BCAM: variants seen among roughly 807,000 people sequenced by gnomAD.
BCAM encodes the protein basal cell adhesion molecule.
BCAM carries 61 observed loss-of-function variants against 72.4 expected under a neutral mutation model. The observed-to-expected ratio is 0.84, with a 90% CI of 0.69 to 1.04. The LOEUF (loss-of-function observed/expected upper bound fraction) is 1.04, where lower values mean the gene tolerates loss of function less well. Among genes scored for constraint, BCAM ranks in the 50% least tolerant of loss-of-function variants. BCAM has a pLI of 0.00. For synonymous variants in BCAM, 408 were observed against 384.2 expected, an observed-to-expected ratio of 1.06 and a Z score of -0.73; for missense variants, 909 against 895.0, an observed-to-expected ratio of 1.02 and a Z score of -0.20.
At position 44,813,569 on chromosome 19, in the gene BCAM, G is replaced by A. The variant is rs762681823; in HGVS notation, c.733G>A (p.Glu245Lys). Residue 245 changes from glutamate to lysine, a missense_variant, in exon 6 of 15, where the codon GAG becomes AAG. Glu to Lys is a moderately conservative substitution (Grantham distance 56). Transcript: ENST00000270233. This position sits in a 1 kb window ranked among gnomAD's most constrained non-coding sequence, Gnocchi z 4.2. ...FHCAAHYSLP[E>K]GRHGRLDSPT... The stretch of plus-strand genomic sequence containing the variant: ...CTGCGCCGCCCACTACAGCCTGCCC[G>A]AGGGCCGCCACGGCCGCCTGGACAG... The A allele has an allele frequency of 1.2e-5, 19 of 1,612,438 alleles. No homozygotes were observed. The highest frequency in any genetic ancestry group is 1.4e-5 in the Non-Finnish European group (17 of 1,179,920).
chr19:44,819,671 T>C lies in BCAM; in HGVS notation c.1708T>C (p.Cys570Arg), dbSNP rs769446614. 1 of 1,613,244 alleles carries C rather than the reference T, an allele frequency of 6.2e-7. No individual in the cohort carries two copies. Among genetic ancestry groups the C allele is most frequent in the East Asian group, 2.2e-5 (1 of 44,868 alleles). The change falls in exon 13 of 15, where the codon TGC becomes CGC. Residue 570 changes from cysteine (C) to arginine (R), a missense_variant. Physicochemically the swap from Cys to Arg is radical, Grantham distance 180 (BLOSUM62 -3). Transcript: ENST00000270233. ...GCTCCTCGTCGTTGCTGTCTTCTAC[T>C]GCGTGAGACGCAAAGGGGGCCCCTG... ...LLLLVVAVFY[C>R]VRRKGGPCCR...
In BCAM at chr19:44,820,996, C is replaced by T; in HGVS notation, c.*75C>T. On this transcript the variant is annotated 3_prime_UTR_variant, in exon 15 of 15. Coordinates refer to ENST00000270233, the MANE Select transcript of BCAM (RefSeq NM_005581.5). Reference sequence around the variant, plus strand: ...GAGAACCAGCCCTGCTCACGCCATGCCCGCCCCCGCCTTCCCTCTTCCCTC... The same window carrying T: ...GAGAACCAGCCCTGCTCACGCCATGTCCGCCCCCGCCTTCCCTCTTCCCTC... The T allele has an allele frequency of 4.1e-6, 6 of 1,447,144 alleles. No homozygotes were observed. Among genetic ancestry groups the T allele is most frequent in the South Asian group, 2.9e-5 (2 of 69,062 alleles). 89.6% of individuals were successfully genotyped at this position (1,447,144 alleles called of 1,614,324 possible). A position where few individuals can be genotyped will look rare whatever the true frequency, so the allele number is the denominator to read the frequency against.
In BCAM at chr19:44,821,220, G is replaced by A; in HGVS notation, c.*299G>A. 1 of 375,340 alleles carries A rather than the reference G, an allele frequency of 2.7e-6. No individual in the cohort carries two copies. The allele number at this position is 375,340 out of a possible 1,614,324, so 23.3% of individuals were successfully genotyped here. Reference sequence around the variant, plus strand: ...GGCCCAGCCTGGGACAAGGCTCCGAGGGTCGGCTGGCCGGAGCTATTTTTA... The same window carrying A: ...GGCCCAGCCTGGGACAAGGCTCCGAAGGTCGGCTGGCCGGAGCTATTTTTA... On this transcript the variant is annotated 3_prime_UTR_variant, in exon 15 of 15. Coordinates refer to ENST00000270233, the MANE Select transcript of BCAM (RefSeq NM_005581.5).
At chr19:44,809,290 GA>G in intron 1 of BCAM, 84 bp downstream of exon 1, 1 of 1,205,988 alleles carries the variant, frequency 8.3e-7, no homozygotes. Flanking sequence ...GCTTTACCCT[GA>G]CCCCAGGAAG....
At chr19:44,816,458 C>A (rs1007161807) in intron 8 of BCAM, among the ~76,000 whole-genome samples, 1 of 152,216 alleles carries the variant, frequency 6.6e-6, no homozygotes, top group Non-Finnish European at 1.5e-5. Flanking sequence ...GGTGTGCTGG[C>A]CTTAGGCAAG....
In BCAM at chr19:44,819,050, C is replaced by T. The variant is rs1212661337; in HGVS notation, c.1337-6C>T. Reference sequence around the variant, plus strand: ...TTCACTTTCTTCCCATCCCCACCACCCACAGGCTCGCCAGAGCTAAAGACA... The same window carrying T: ...TTCACTTTCTTCCCATCCCCACCACTCACAGGCTCGCCAGAGCTAAAGACA... On this transcript the variant is annotated splice_region_variant and splice_polypyrimidine_tract_variant and intron_variant, in intron 10 of 14. Transcript: ENST00000270233. 18 of 1,613,656 alleles carry T rather than the reference C, an allele frequency of 1.1e-5. No individual in the cohort carries two copies. The highest frequency in any genetic ancestry group is 1.5e-5 in the Non-Finnish European group (18 of 1,179,826).
chr19:44,809,663 T>C (rs1479528425), intron 1 of BCAM, among the ~76,000 whole-genome samples: 2 of 152,080 alleles, frequency 1.3e-5, no homozygotes, highest in Non-Finnish European at 2.9e-5. Flanking sequence ...GCGAGGACCA[T>C]GTGTCCCCAC....
At chr19:44,817,809 G>T (rs1489255936) in intron 8 of BCAM, among the ~76,000 whole-genome samples, 2 of 152,190 alleles carry the variant, frequency 1.3e-5, no homozygotes, top group South Asian at 4.1e-4. Context: ...CTCCCAAAGT[G>T]CTGGGGTTAT....
chr19:44,811,808 C>G, intron 2 of BCAM: 1 of 372,130 alleles, frequency 2.7e-6, no homozygotes, highest in South Asian at 3.1e-5. Context: ...TCGCTTGAAC[C>G]TGGGAGGTAG....
Position 44,821,271 on chromosome 19 carries a change from C to T in BCAM, c.*350C>T, listed in dbSNP as rs532352100. The T allele has an allele frequency of 1.7e-5, 5 of 286,764 alleles. No individual in the cohort carries two copies. The highest frequency in any genetic ancestry group is 8.7e-5 in the African/African-American group (4 of 45,762). The allele number at this position is 286,764 out of a possible 1,614,324, so 17.8% of individuals were successfully genotyped here. A position where few individuals can be genotyped will look rare whatever the true frequency, so the allele number is the denominator to read the frequency against. On this transcript the variant is annotated 3_prime_UTR_variant, in exon 15 of 15. Transcript: ENST00000270233. ...CCTCCCGCCTCCCCTGCTGGTCCCC[C>T]CACCTGACGTCTTGCTGCAGAGTCT...
chr19:44,819,115 G>A lies in BCAM; in HGVS notation c.1396G>A (p.Gly466Arg). 6.2e-7 allele frequency: 1 copy of A among 1,614,110 alleles called. No individual in the cohort carries two copies. The highest frequency in any genetic ancestry group is 8.5e-7 in the Non-Finnish European group (1 of 1,179,998). Residue 466 changes from glycine to arginine, a missense_variant, in exon 11 of 15, where the codon GGA becomes AGA. Transcript: ENST00000270233. ...CAAGGCAGATGGCAGCTGGAGGGAA[G>A]GAGACGAAGTCACACTCATCTGCTC... is the stretch of plus-strand genomic sequence containing the variant. Reference protein sequence around the residue: ...EPKADGSWREGDEVTLICSAR... With the variant: ...EPKADGSWRERDEVTLICSAR...
rs372000134 is a variant in BCAM, at chr19:44,820,819, C to G, written c.1878C>G (p.Asp626Glu). ...GARGGSGGFG[D>E]EC ...GGGGTGGCAGCGGGGGCTTCGGAGA[C>G]GAGGTGGGTGAGGGCCTGGGCCCCC... The change falls in exon 14 of 15, where the codon GAC (aspartate) becomes GAG (glutamate). Residue 626 changes from aspartate to glutamate, a missense_variant. Physicochemically the swap from Asp to Glu is conservative, Grantham distance 45. Transcript: ENST00000270233. 3 of 1,512,304 alleles carry G rather than the reference C, an allele frequency of 2.0e-6. No homozygotes were observed. The highest frequency in any genetic ancestry group is 2.8e-5 in the African/African-American group (2 of 71,708). 93.7% of individuals were successfully genotyped at this position (1,512,304 alleles called of 1,614,324 possible).
intron 2 of BCAM, 124 bp downstream of exon 2, chr19:44,811,470 C>A (rs972881279): frequency 4.8e-6 from 7 of 1,466,896 alleles, no homozygotes; most frequent in Middle Eastern, 1.8e-4. Context: ...CAGATGGGGT[C>A]ACTGAGTCCC....
At position 44,813,905 on chromosome 19, in the gene BCAM, C is replaced by T. The variant is rs1968466167; in HGVS notation, c.785-247C>T. 6.6e-6 allele frequency among the ~76,000 whole-genome samples: 1 copy of T among 152,202 alleles called. No homozygotes were observed. Among genetic ancestry groups the T allele is most frequent in the African/African-American group, 2.4e-5 (1 of 41,450 alleles). ...ACTGAATTGGGTCCCCCCATGACATCTGGCTCCAAGTCTCACACTGACCCA... is the reference window on the plus strand; with the variant it reads ...ACTGAATTGGGTCCCCCCATGACATTTGGCTCCAAGTCTCACACTGACCCA... On this transcript the variant is annotated intron_variant, in intron 6 of 14. Coordinates refer to ENST00000270233, the MANE Select transcript of BCAM (RefSeq NM_005581.5). This position sits in a 1 kb window ranked among gnomAD's most constrained non-coding sequence, Gnocchi z 4.2.
In BCAM at chr19:44,814,801, G is replaced by C; in HGVS notation, c.1078+41G>C. ...GAACGGGCGGGCAGGAGGGGCCCTG[G>C]CATCAGTGCCTCTGCGCCCTCCTCC... On this transcript the variant is annotated intron_variant, in intron 8 of 14. Transcript: ENST00000270233. This position sits in a 1 kb window ranked among gnomAD's most constrained non-coding sequence, Gnocchi z 4.6. 4 of 1,577,160 alleles carry C rather than the reference G, an allele frequency of 2.5e-6. No individual in the cohort carries two copies. Among genetic ancestry groups the C allele is most frequent in the Non-Finnish European group, 3.4e-6 (4 of 1,162,066 alleles).
At chr19:44,810,554 G>A (rs1228427939) in intron 1 of BCAM, among the ~76,000 whole-genome samples, 1 of 152,184 alleles carries the variant, frequency 6.6e-6, no homozygotes, top group African/African-American at 2.4e-5. Context: ...TGGTGCAGGT[G>A]CAGAGAGAGG....
At chr19:44,820,032 T>TCCCC in intron 13 of BCAM, 1 of 1,215,488 alleles carries the variant, frequency 8.2e-7, no homozygotes, top group South Asian at 2.8e-5. Flanking sequence ...CTCCTGCCCC[T>TCCCC]AGCTCAGCCT....
chr19:44,819,132 C>T lies in BCAM; in HGVS notation c.1413C>T (p.Leu471=), dbSNP rs1258618052. 1.2e-6 allele frequency: 2 copies of T among 1,614,040 alleles called. No homozygotes were observed. Among genetic ancestry groups the T allele is most frequent in the African/African-American group, 2.7e-5 (2 of 74,926 alleles). Residue 471 remains leucine (L), a synonymous_variant, in exon 11 of 15, where the codon CTC becomes CTT. Transcript: ENST00000270233. ...GGAGGGAAGGAGACGAAGTCACACT[C>T]ATCTGCTCTGCCCGCGGCCATCCAG... ...GSWREGDEVT[L]ICSARGHPDP...
At position 44,814,282 on chromosome 19, in the gene BCAM, C is replaced by G; in HGVS notation, c.915C>G (p.Arg305=). The G allele has an allele frequency of 6.3e-7, 1 of 1,595,006 alleles. No individual in the cohort carries two copies. The highest frequency in any genetic ancestry group is 8.5e-7 in the Non-Finnish European group (1 of 1,175,878). The change falls in exon 7 of 15, where the codon CGC becomes CGG. Residue 305 remains arginine, a synonymous_variant. Coordinates refer to ENST00000270233, the MANE Select transcript of BCAM (RefSeq NM_005581.5). The surrounding 1 kb of genome is among the most constrained non-coding windows in gnomAD (Gnocchi z 4.6). ...GSPSPEYTLF[R]LQDEQEEVLN... is the part of the protein sequence containing the mutation. ...CCAGCCCGGAGTATACGCTTTTCCG[C>G]CTTCAGGTGACCCACCCAAGGGTCC...
Sources: gnomAD v4.1 joint callset for allele counts (sites outside exome capture counted in the v4.1 genomes callset) on GRCh38, gnomAD v4.1.1 for gene constraint, Gnocchi (gnomAD v3.1) non-coding constraint, MANE v1.5 for transcripts, NCBI Gene and HGNC (gene_info 2026-07-23, HGNC 2026-07-21) for gene names.